IQCE: variants seen among roughly 807,000 people sequenced by gnomAD.
The protein encoded by IQCE is IQ domain-containing protein E.
In IQCE, 115 loss-of-function variants were observed where a neutral mutation model predicts 96.0. The observed-to-expected ratio is 1.20, with a 90% CI of 1.03 to 1.40. IQCE has a LOEUF of 1.40. IQCE is among the 40% of genes most tolerant of loss of function. The pLI is 0.00. For missense variants in IQCE, 1,041 were observed against 909.1 expected (o/e 1.15, Z -1.87); for synonymous variants, 412 against 371.2 (o/e 1.11, Z -1.26).
chr7:2,585,872 G>A (rs1473222416), intron 11 of IQCE, among the ~76,000 whole-genome samples: 3 of 152,156 alleles, frequency 2.0e-5, no homozygotes, highest in Admixed American at 6.5e-5. Flanking sequence ...GCTAAGAGGC[G>A]AAACCCGAGC....
intron 9 of IQCE, among the ~76,000 whole-genome samples, chr7:2,582,957 G>A (rs529702113): frequency 3.3e-5 from 5 of 152,134 alleles, no homozygotes; most frequent in African/African-American, 9.6e-5. Context: ...TGTTTTTGGC[G>A]TGGCTACTCG....
In IQCE at chr7:2,589,928, TC is replaced by T. The variant is rs755837163; in HGVS notation, c.1067del (p.Ser356Ter). The T allele has an allele frequency of 1.2e-6, 2 of 1,613,838 alleles. No homozygotes were observed. On this transcript the variant is annotated frameshift_variant, in exon 14 of 22. Transcript: ENST00000402050. LOFTEE classifies it high-confidence loss of function. ...LEKKLSVMES[S>X]KSHAAEPVRS... ...CCAGAAACTAAGTGTGATGGAGAGC[TC>T]AAAATCACACGCCGCAGAGCCAGTC...
chr7:2,577,255 C>T (rs1236569173), intron 6 of IQCE, among the ~76,000 whole-genome samples: 1 of 151,260 alleles, frequency 6.6e-6, no homozygotes, highest in Non-Finnish European at 1.5e-5. Flanking sequence ...TGGCTGTGTA[C>T]GTGGGGACGT....
In IQCE at chr7:2,582,578, A is replaced by T. The variant is rs2128449758; in HGVS notation, c.631-2A>T. 1 of 1,613,920 alleles carries T rather than the reference A, an allele frequency of 6.2e-7. No homozygotes were observed. The highest frequency in any genetic ancestry group is 8.5e-7 in the Non-Finnish European group (1 of 1,179,886). The stretch of plus-strand genomic sequence containing the variant: ...TGCCTGATGGGCACGTTCCCCGGGC[A>T]GGTCATTAACGGGCTGAAGCAGAGG... On this transcript the variant is annotated splice_acceptor_variant, in intron 8 of 21. Transcript: ENST00000402050. LOFTEE classifies it high-confidence loss of function.
chr7:2,569,103 C>A lies in IQCE; in HGVS notation c.130+104C>A. 4.5e-6 allele frequency: 5 copies of A among 1,105,206 alleles called. No individual in the cohort carries two copies. In the South Asian group the frequency reaches 6.6e-5, roughly 15 times the overall value. 68.5% of individuals were successfully genotyped at this position (1,105,206 alleles called of 1,614,324 possible). On this transcript the variant is annotated intron_variant, in intron 3 of 21. Transcript: ENST00000402050. ...GTACATTTAGGTAGCTGAGACCTGA[C>A]GCCTCAGCCAGTTGGCCCCATTCCC...
At chr7:2,583,192 C>T (rs369924706) in intron 9 of IQCE, among the ~76,000 whole-genome samples, 3 of 152,180 alleles carry the variant, frequency 2.0e-5, no homozygotes, top group African/African-American at 2.4e-5. Context: ...ATCGATGTGT[C>T]TATCTAAAGT....
In IQCE at chr7:2,613,328, C is replaced by T. The variant is rs1358887499; in HGVS notation, c.*3166C>T. The T allele has an allele frequency of 4.6e-5, 7 of 152,380 alleles. No homozygotes were observed. Among genetic ancestry groups the T allele is most frequent in the Non-Finnish European group, 1.0e-4 (7 of 68,182 alleles). 9.4% of individuals were successfully genotyped at this position (152,380 alleles called of 1,614,324 possible). On this transcript the variant is annotated 3_prime_UTR_variant, in exon 22 of 22. Transcript: ENST00000402050. ...CTGTCCCCAACTCCTCCCCTAGAGG[C>T]CTATTCCCGCTGCTCACAGACCTCA...
Position 2,582,641 on chromosome 7 carries a change from G to A in IQCE, c.692G>A (p.Gly231Asp), listed in dbSNP as rs1782766999. The change falls in exon 9 of 22, where the codon GGC becomes GAC. Residue 231 changes from glycine to aspartate, a missense_variant. Coordinates refer to ENST00000402050, the MANE Select transcript of IQCE (RefSeq NM_152558.5). ...GAACAGCAGTGCAAGGAGAAGGACG[G>A]CACCATCAGGTGGGCGCAGGGCTGC... ...KLEQQCKEKD[G>D]TISKLQTDMK... 1.2e-6 allele frequency: 2 copies of A among 1,613,868 alleles called. No homozygotes were observed. Among genetic ancestry groups the A allele is most frequent in the Non-Finnish European group, 1.7e-6 (2 of 1,179,852 alleles).
chr7:2,604,114 G>C (rs1265736460), intron 18 of IQCE, among the ~76,000 whole-genome samples: 1 of 140,254 alleles, frequency 7.1e-6, no homozygotes, highest in Non-Finnish European at 1.5e-5. Flanking sequence ...TCAGCCTCCT[G>C]AGTAGCTGGG....
intron 1 of IQCE, among the ~76,000 whole-genome samples, chr7:2,564,959 A>G (rs953332205): frequency 6.6e-6 from 1 of 152,166 alleles, no homozygotes; most frequent in Non-Finnish European, 1.5e-5. Context: ...AAACCACCCC[A>G]TTTCTTCTGT....
chr7:2,571,473 G>T lies in IQCE; in HGVS notation c.131-53G>T. 2.5e-6 allele frequency: 4 copies of T among 1,598,612 alleles called. No individual in the cohort carries two copies. The South Asian group carries it at 4.4e-5, about 18-fold the overall frequency. On this transcript the variant is annotated intron_variant, in intron 3 of 21. Transcript: ENST00000402050. ...TCTGTCTTTCTGAAGTTCATGTGTT[G>T]AGCTCACATGTTGCTGTCCGGCACC...
rs374563180 is a variant in IQCE, at chr7:2,589,958, T to A, written c.1096T>A (p.Ser366Thr). The A allele has an allele frequency of 3.7e-6, 6 of 1,613,790 alleles. No homozygotes were observed. In the African/African-American group the frequency reaches 4.0e-5, roughly 11 times the overall value. Residue 366 changes from serine (S) to threonine (T), a missense_variant, in exon 14 of 22, where the codon TCA becomes ACA. Transcript: ENST00000402050. The part of the protein sequence containing the change: ...SKSHAAEPVR[S>T]HPPACLASSS... ...ATCACACGCCGCAGAGCCAGTCAGATCACACCCGCCAGCCTGCCTTGCATC... is the reference window on the plus strand; with the variant it reads ...ATCACACGCCGCAGAGCCAGTCAGAACACACCCGCCAGCCTGCCTTGCATC...
chr7:2,584,488 G>A (rs1782945690), intron 11 of IQCE: 2 of 610,072 alleles, frequency 3.3e-6, no homozygotes, highest in Non-Finnish European at 6.0e-6. Flanking sequence ...GTGACCACGT[G>A]TTGATGGCCA....
At chr7:2,593,839 A>G (rs1783807676) in intron 15 of IQCE, among the ~76,000 whole-genome samples, 1 of 152,252 alleles carries the variant, frequency 6.6e-6, no homozygotes, top group South Asian at 2.1e-4. Context: ...TCACTGAATT[A>G]TACCCTTTAA....
At chr7:2,578,914 C>G (rs1352709555) in intron 8 of IQCE, among the ~76,000 whole-genome samples, 1 of 152,082 alleles carries the variant, frequency 6.6e-6, no homozygotes, top group Admixed American at 6.6e-5. Context: ...TACAAAAAAG[C>G]CGGGTATGGC....
intron 9 of IQCE, 127 bp from the exon 10 acceptor site, chr7:2,583,510 T>G: frequency 2.1e-6 from 1 of 477,858 alleles, no homozygotes; most frequent in East Asian, 5.0e-5. Flanking sequence ...CCGTTCAGGC[T>G]TTTCCCTCCC....
rs147033001 is a variant in IQCE, at chr7:2,578,422, C to T, written c.580-54C>T. On this transcript the variant is annotated intron_variant, in intron 7 of 21. Transcript: ENST00000402050. ...CTCGGGGCAGCATCTGCCAGCCAGC[C>T]CTGCTGGGGGCTACACCGAAGGCCG... 1.9e-3 allele frequency: 2,967 copies of T among 1,598,914 alleles called. 37 individuals are homozygous for T. In the African/African-American group the frequency reaches 0.035, roughly 19 times the overall value.
In IQCE at chr7:2,611,144, C is replaced by CTGGGCTAGGCTGGGCT. The variant is rs56334822; in HGVS notation, c.*982_*983insTGGGCTAGGCTGGGCT. On this transcript the variant is annotated 3_prime_UTR_variant, in exon 22 of 22. Transcript: ENST00000402050. ...TGGGCTGGGCTGGGCTGGGCTGGGC[C>CTGGGCTAGGCTGGGCT]GGGCGTGCGGAGCCTGTGGAGCCAG... 1 of 129,170 alleles carries CTGGGCTAGGCTGGGCT rather than the reference C, an allele frequency of 7.7e-6. No individual in the cohort carries two copies. Among genetic ancestry groups the CTGGGCTAGGCTGGGCT allele is most frequent in the African/African-American group, 2.8e-5 (1 of 35,380 alleles). The allele number at this position is 129,170 out of a possible 1,614,324, so 8.0% of individuals were successfully genotyped here.
chr7:2,611,935 A>G lies in IQCE; in HGVS notation c.*1773A>G, dbSNP rs1164839900. ...GCCTTCACCCCACCCGCCCGGGTCC[A>G]CTCCCTGGGGCGCTGTCCCAAGCCA... On this transcript the variant is annotated 3_prime_UTR_variant, in exon 22 of 22. Transcript: ENST00000402050. 6.6e-6 allele frequency: 1 copy of G among 150,826 alleles called. No individual in the cohort carries two copies. Among genetic ancestry groups the G allele is most frequent in the African/African-American group, 2.5e-5 (1 of 40,816 alleles). 9.3% of individuals were successfully genotyped at this position (150,826 alleles called of 1,614,324 possible).
Sources: gnomAD v4.1 joint callset for allele counts (sites outside exome capture counted in the v4.1 genomes callset) on GRCh38, gnomAD v4.1.1 for gene constraint, MANE v1.5 for transcripts, NCBI Gene and HGNC (gene_info 2026-07-23, HGNC 2026-07-21) for gene names.